Variants in SLC24A3 observed in about 807,000 individuals in gnomAD.
SLC24A3 encodes the protein solute carrier family 24 member 3.
A neutral mutation model predicts 75.8 loss-of-function variants in SLC24A3; 28 were observed. The ratio of observed to expected loss-of-function variants is 0.37; its 90% CI spans 0.27 to 0.51. The LOEUF is 0.51. Among genes scored for constraint, SLC24A3 ranks in the 20% least tolerant of loss-of-function variants. The pLI is 0.94. For synonymous variants in SLC24A3, 372 were observed against 334.1 expected (o/e 1.11, Z -1.24); for missense variants, 663 against 847.8 (o/e 0.78, Z 2.71).
chr20:19,368,212 A>G (rs946980859), intron 2 of SLC24A3, among the ~76,000 whole-genome samples: 1 of 152,128 alleles, frequency 6.6e-6, no homozygotes, highest in Non-Finnish European at 1.5e-5. Context: ...TAGAAACATC[A>G]TGGCTGGATG....
At chr20:19,657,781 C>T (rs551403142) in intron 7 of SLC24A3, among the ~76,000 whole-genome samples, 15 of 139,274 alleles carry the variant, frequency 1.1e-4, no homozygotes, top group Admixed American at 2.1e-4. Flanking sequence ...ACAGGTCGCA[C>T]GCACTGTCTT....
chr20:19,635,497 C>T (rs913205864), intron 6 of SLC24A3, among the ~76,000 whole-genome samples: 5 of 152,188 alleles, frequency 3.3e-5, no homozygotes, highest in African/African-American at 1.2e-4. Flanking sequence ...CTAGCAACCC[C>T]AAACTTAGTT....
At chr20:19,223,885 C>A (rs1351237738) in intron 1 of SLC24A3, among the ~76,000 whole-genome samples, 2 of 152,186 alleles carry the variant, frequency 1.3e-5, no homozygotes, top group East Asian at 3.8e-4. Flanking sequence ...TAAGTGACTG[C>A]AGAATGGATC....
intron 2 of SLC24A3, among the ~76,000 whole-genome samples, chr20:19,330,140 G>A (rs1568591113): frequency 6.6e-6 from 1 of 152,294 alleles, no homozygotes; most frequent in Admixed American, 6.5e-5. Context: ...GCCTTAGGAC[G>A]GAACCATCTT....
intron 2 of SLC24A3, among the ~76,000 whole-genome samples, chr20:19,440,273 C>G (rs1987275337): frequency 6.6e-6 from 1 of 152,210 alleles, no homozygotes; most frequent in African/African-American, 2.4e-5. Flanking sequence ...CCTTATCTGT[C>G]AAACACCTAG....
rs750628464 is a variant in SLC24A3 at position 19,212,871 on chromosome 20, C to T, written c.29C>T (p.Ala10Val). The T allele has an allele frequency of 3.3e-4, 416 of 1,247,942 alleles. 1 individual carries two copies. The highest frequency in any genetic ancestry group is 2.0e-3 in the Admixed American group (55 of 28,078). The allele number at this position is 1,247,942 out of a possible 1,614,324, so 77.3% of individuals were successfully genotyped here. MRPSGDEDR[A>V]RRRRRRRRRR... ...CGGCCGTCCGGCGACGAGGACCGCG[C>T]GCGTCGCCGCCGCCGCCGCCGCCGC... The change falls in exon 1 of 17, where the codon GCG (alanine) becomes GTG (valine). Residue 10 changes from alanine to valine, a missense_variant. Around this residue, in one of 2 missense-constraint regions of SLC24A3, gnomAD observed 153 missense variants for 144.2 expected, o/e 1.06. Transcript: ENST00000328041.
chr20:19,654,930 A>G, intron 7 of SLC24A3, among the ~76,000 whole-genome samples: 1 of 152,146 alleles, frequency 6.6e-6, no homozygotes, highest in East Asian at 1.9e-4. Context: ...TACAGGCATG[A>G]GCCACAGCAC....
At chr20:19,291,226 C>T (rs1600414182) in intron 2 of SLC24A3, among the ~76,000 whole-genome samples, 1 of 152,306 alleles carries the variant, frequency 6.6e-6, no homozygotes, top group East Asian at 1.9e-4. Flanking sequence ...TCTGGTGCTT[C>T]GGGGTGGAAT....
chr20:19,233,805 A>G (rs1982092950), intron 1 of SLC24A3, among the ~76,000 whole-genome samples: 1 of 152,248 alleles, frequency 6.6e-6, no homozygotes, highest in African/African-American at 2.4e-5. Flanking sequence ...CAGTGACTCT[A>G]GAGACAGGAG....
At chr20:19,500,529 TAA>T (rs1254009433) in intron 2 of SLC24A3, among the ~76,000 whole-genome samples, 2 of 152,210 alleles carry the variant, frequency 1.3e-5, no homozygotes, top group Non-Finnish European at 2.9e-5. Context: ...ATTATTTGGA[TAA>T]AAAATTGTCT....
chr20:19,395,841 C>G (rs1986444271), intron 2 of SLC24A3, among the ~76,000 whole-genome samples: 1 of 152,086 alleles, frequency 6.6e-6, no homozygotes, highest in East Asian at 1.9e-4. Flanking sequence ...GAGTTCATGC[C>G]TGTGTTTCGA....
At chr20:19,410,652 G>T (rs1207482443) in intron 2 of SLC24A3, among the ~76,000 whole-genome samples, 1 of 152,088 alleles carries the variant, frequency 6.6e-6, no homozygotes, top group Non-Finnish European at 1.5e-5. Flanking sequence ...ATCTAATTTT[G>T]GTTTTGGTCA....
chr20:19,554,500 T>C (rs1474900886), intron 3 of SLC24A3, among the ~76,000 whole-genome samples: 1 of 152,194 alleles, frequency 6.6e-6, no homozygotes, highest in Non-Finnish European at 1.5e-5. Flanking sequence ...GTTCACTTCC[T>C]GGGTATAGGT....
intron 2 of SLC24A3, among the ~76,000 whole-genome samples, chr20:19,494,608 T>C (rs1470003319): frequency 6.6e-6 from 1 of 152,142 alleles, no homozygotes; most frequent in Non-Finnish European, 1.5e-5. Context: ...GTTTTTGGTG[T>C]CTAATTCAAA....
chr20:19,330,552 A>G (rs961633473), intron 2 of SLC24A3, among the ~76,000 whole-genome samples: 1 of 152,246 alleles, frequency 6.6e-6, no homozygotes, highest in African/African-American at 2.4e-5. Context: ...CCATGATTTC[A>G]TACTTATAAT....
chr20:19,522,808 T>C (rs6112441), intron 3 of SLC24A3, among the ~76,000 whole-genome samples: 4,072 of 151,074 alleles, frequency 0.027, 178 homozygotes, highest in African/African-American at 0.085. Context: ...TTTAACTGAA[T>C]AACAATAATC....
chr20:19,319,358 C>A (rs991363386), intron 2 of SLC24A3, among the ~76,000 whole-genome samples: 1 of 152,168 alleles, frequency 6.6e-6, no homozygotes, highest in Non-Finnish European at 1.5e-5. Flanking sequence ...AGACCTATTG[C>A]GATTCATAGG....
At chr20:19,645,872 GC>G (rs2032131037) in intron 6 of SLC24A3, among the ~76,000 whole-genome samples, 1 of 152,066 alleles carries the variant, frequency 6.6e-6, no homozygotes, top group African/African-American at 2.4e-5. Context: ...TGGGCAACAT[GC>G]AAAAACTCCA....
At chr20:19,494,046 T>C (rs1264389265) in intron 2 of SLC24A3, among the ~76,000 whole-genome samples, 3 of 152,194 alleles carry the variant, frequency 2.0e-5, no homozygotes, top group Admixed American at 2.0e-4. Flanking sequence ...CTGGGGTGCA[T>C]AGATCTGCAT....
Sources: gnomAD v4.1 joint callset for allele counts (sites outside exome capture counted in the v4.1 genomes callset) on GRCh38, gnomAD v4.1.1 for gene constraint, gnomAD v4.1.1 regional missense constraint, MANE v1.5 for transcripts, NCBI Gene and HGNC (gene_info 2026-07-23, HGNC 2026-07-21) for gene names.